The following SRRM4 variants were observed in gnomAD, a reference collection of about 807,000 sequenced individuals.
SRRM4 encodes the protein serine/arginine repetitive matrix protein 4.
SRRM4 carries 33 observed loss-of-function variants against 68.9 expected under a neutral mutation model. That is an observed-to-expected ratio of 0.48 (90% CI 0.36 to 0.64). The LOEUF (loss-of-function observed/expected upper bound fraction) is 0.64. Ranked by LOEUF, SRRM4 falls within the 30% of genes least tolerant of loss-of-function variation. The pLI is 0.00. For missense variants in SRRM4, 817 were observed against 827.1 expected (o/e 0.99, Z 0.15); for synonymous variants, 318 against 318.8 (o/e 1.00, Z 0.03).
At chr12:119,131,946 G>C (rs573464455) in intron 8 of SRRM4, among the ~76,000 whole-genome samples, 19 of 152,340 alleles carry the variant, frequency 1.2e-4, no homozygotes, top group East Asian at 5.8e-4. Context: ...AGGGGTGCTT[G>C]TGGGGATGTC....
At chr12:118,990,732 A>C (rs1953311353) in intron 1 of SRRM4, among the ~76,000 whole-genome samples, 1 of 152,330 alleles carries the variant, frequency 6.6e-6, no homozygotes, top group South Asian at 2.1e-4. Flanking sequence ...TAGACCCAGA[A>C]GAACCTCTTT....
rs796506288 is a variant in SRRM4 at position 119,009,206 on chromosome 12, A to C, written c.131+27193A>C. Among the ~76,000 whole-genome samples, 3 of 152,142 alleles carry C rather than the reference A, an allele frequency of 2.0e-5. No homozygotes were observed. In the South Asian group the frequency reaches 6.2e-4, roughly 32 times the overall value. ...GGAGCGAGATGCTAACAGGAGGGGA[A>C]CTTTAATTATCCCACCGAATGGCAT... On this transcript the variant is annotated intron_variant, in intron 1 of 12. Transcript: ENST00000267260.
intron 9 of SRRM4, 128 bp downstream of exon 9, chr12:119,145,813 C>T (rs1954398695): frequency 1.2e-6 from 1 of 859,634 alleles, no homozygotes; most frequent in African/African-American, 1.8e-5. Flanking sequence ...TGAAACTCAA[C>T]TCAGACTGGC....
intron 1 of SRRM4, among the ~76,000 whole-genome samples, chr12:119,036,250 C>T (rs1297808071): frequency 1.3e-5 from 2 of 152,130 alleles, no homozygotes; most frequent in African/African-American, 2.4e-5. Context: ...TTGGTGTGGC[C>T]ATTGCCTCCG....
intron 2 of SRRM4, among the ~76,000 whole-genome samples, chr12:119,105,368 A>G (rs146488646): frequency 0.02 from 3,050 of 152,272 alleles, 70 homozygotes; most frequent in Non-Finnish European, 0.027. Context: ...TGATATTTCT[A>G]GTTTTAGATC....
Position 118,981,867 on chromosome 12 carries a change from C to G in SRRM4, c.-16C>G, listed in dbSNP as rs762245312. Reference sequence around the variant, plus strand: ...TTGGACAGCGCCCCGGACGCCCCGGCCCCTTTGGGTTGGCGATGGCGAGCG... The same window carrying G: ...TTGGACAGCGCCCCGGACGCCCCGGGCCCTTTGGGTTGGCGATGGCGAGCG... On this transcript the variant is annotated 5_prime_UTR_variant, in exon 1 of 13. Transcript: ENST00000267260. The G allele has an allele frequency of 8.7e-6, 14 of 1,612,158 alleles. No homozygotes were observed. Among genetic ancestry groups the G allele is most frequent in the Admixed American group, 1.7e-5 (1 of 59,868 alleles).
chr12:119,057,606 T>G (rs1953784890), intron 1 of SRRM4, among the ~76,000 whole-genome samples: 1 of 152,218 alleles, frequency 6.6e-6, no homozygotes, highest in Non-Finnish European at 1.5e-5. Context: ...TGATGGGCAT[T>G]TGGGTTCATT....
At chr12:119,140,346 C>T (rs1954357047) in intron 8 of SRRM4, among the ~76,000 whole-genome samples, 1 of 151,208 alleles carries the variant, frequency 6.6e-6, no homozygotes, top group African/African-American at 2.4e-5. Context: ...CCATTGCACT[C>T]CAGCCTGGGC....
At chr12:119,066,231 A>G (rs1411162519) in intron 1 of SRRM4, among the ~76,000 whole-genome samples, 1 of 152,182 alleles carries the variant, frequency 6.6e-6, no homozygotes, top group African/African-American at 2.4e-5. Context: ...AGCTTCTTCT[A>G]TGTGCCAAGT....
chr12:119,035,136 C>A (rs1953618384), intron 1 of SRRM4, among the ~76,000 whole-genome samples: 1 of 152,044 alleles, frequency 6.6e-6, no homozygotes, highest in South Asian at 2.1e-4. Context: ...TTAACCCTTG[C>A]ATTTAAAAAA....
intron 7 of SRRM4, among the ~76,000 whole-genome samples, chr12:119,125,872 G>C (rs1202629866): frequency 6.6e-6 from 1 of 151,278 alleles, no homozygotes; most frequent in Non-Finnish European, 1.5e-5. Context: ...GGTGAGCCAA[G>C]ATCACGCCAT....
At position 119,154,478 on chromosome 12, in the gene SRRM4, G is replaced by A; in HGVS notation, c.1532+95G>A. 2 of 1,433,280 alleles carry A rather than the reference G, an allele frequency of 1.4e-6. No individual in the cohort carries two copies. Among genetic ancestry groups the A allele is most frequent in the Middle Eastern group, 1.8e-4 (1 of 5,652 alleles). The allele number at this position is 1,433,280 out of a possible 1,614,324, so 88.8% of individuals were successfully genotyped here. On this transcript the variant is annotated intron_variant, in intron 12 of 12. Coordinates refer to ENST00000267260, the MANE Select transcript of SRRM4 (RefSeq NM_194286.4). The surrounding 1 kb of genome is among the most constrained non-coding windows in gnomAD (Gnocchi z 4.7). ...TCAGGCTCTCCCTAGGCCTCCTTGG[G>A]GCTGGGATTTAGGATTGTGCGAGCT...
intron 1 of SRRM4, among the ~76,000 whole-genome samples, chr12:119,086,036 A>T (rs1953977875): frequency 6.6e-6 from 1 of 152,124 alleles, no homozygotes; most frequent in Non-Finnish European, 1.5e-5. Context: ...GGAAAAAGAG[A>T]TGACCAGGAA....
Position 119,137,392 on chromosome 12 carries a change from G to A in SRRM4, c.771+6558G>A, listed in dbSNP as rs193285019. On this transcript the variant is annotated intron_variant, in intron 8 of 12. Transcript: ENST00000267260. Reference sequence around the variant, plus strand: ...AAGTGAGAGGTTGCCTTTTTTCCCCGTTCTTGATTAAATAATGATTTGAAA... The same window carrying A: ...AAGTGAGAGGTTGCCTTTTTTCCCCATTCTTGATTAAATAATGATTTGAAA... Among the ~76,000 whole-genome samples, 36 of 152,030 alleles carry A rather than the reference G, an allele frequency of 2.4e-4. No individual in the cohort carries two copies. The East Asian group carries it at 3.5e-3, about 15-fold the overall frequency.
chr12:119,011,406 A>G (rs1461868914), intron 1 of SRRM4, among the ~76,000 whole-genome samples: 2 of 152,188 alleles, frequency 1.3e-5, no homozygotes, highest in East Asian at 3.9e-4. Context: ...ACTAGATGTC[A>G]TTAGCACCAC....
At chr12:119,112,972 A>C (rs1239313808) in intron 2 of SRRM4, among the ~76,000 whole-genome samples, 4 of 151,480 alleles carry the variant, frequency 2.6e-5, no homozygotes, top group Admixed American at 2.0e-4. Flanking sequence ...ATTTAAAATT[A>C]AAATTAAAAA....
chr12:119,133,167 C>T (rs1397347544), intron 8 of SRRM4: 3 of 152,124 alleles, frequency 2.0e-5, no homozygotes, highest in Non-Finnish European at 2.9e-5. Flanking sequence ...AGCAATAAGA[C>T]CTACCTCATA....
chr12:119,026,344 G>A (rs1953548256), intron 1 of SRRM4, among the ~76,000 whole-genome samples: 1 of 151,836 alleles, frequency 6.6e-6, no homozygotes, highest in Admixed American at 6.6e-5. Context: ...ACAATTTGAA[G>A]TTATATTAAG....
intron 1 of SRRM4, among the ~76,000 whole-genome samples, chr12:119,079,604 C>T (rs1953935993): frequency 6.6e-6 from 1 of 152,208 alleles, no homozygotes; most frequent in Admixed American, 6.5e-5. Flanking sequence ...TCACCTGCCG[C>T]ATTGCACACT....
Sources: gnomAD v4.1 joint callset for allele counts (sites outside exome capture counted in the v4.1 genomes callset) on GRCh38, gnomAD v4.1.1 for gene constraint, Gnocchi (gnomAD v3.1) non-coding constraint, MANE v1.5 for transcripts, NCBI Gene and HGNC (gene_info 2026-07-23, HGNC 2026-07-21) for gene names.